The following TNS1 variants were observed in gnomAD, a reference collection of about 807,000 sequenced individuals.
TNS1 encodes tensin-1.
TNS1 carries 62 observed loss-of-function variants against 168.6 expected under a neutral mutation model. The observed-to-expected ratio is 0.37, with a 90% CI of 0.30 to 0.45. The LOEUF is 0.45. Ranked by LOEUF, TNS1 falls within the 20% of genes least tolerant of loss-of-function variation. The pLI, the probability that TNS1 is intolerant of heterozygous loss-of-function variation, is 1.00. For synonymous variants in TNS1, 934 were observed against 933.2 expected (o/e 1.00, Z -0.02); for missense variants, 2,240 against 2,339.4 (o/e 0.96, Z 0.88).
intron 3 of TNS1, among the ~76,000 whole-genome samples, chr2:217,972,645 AC>A (rs978206628): frequency 3.3e-5 from 5 of 152,206 alleles, no homozygotes; most frequent in Non-Finnish European, 7.3e-5. Context: ...AGAAAGAGCC[AC>A]CCAAGAGGCT....
rs144669301 is a variant in TNS1, at chr2:217,804,603, C to G, written c.5376G>C (p.Lys1792Asn). 5.6e-6 allele frequency: 9 copies of G among 1,613,894 alleles called. No individual in the cohort carries two copies. The highest frequency in any genetic ancestry group is 6.8e-6 in the Non-Finnish European group (8 of 1,179,922). The change falls in exon 33 of 33, where the codon AAG (lysine) becomes AAC (asparagine). Residue 1792 changes from lysine to asparagine, a missense_variant and splice_region_variant. By Grantham distance (94) the Lys-to-Asn change is moderately conservative. Transcript: ENST00000682258. ...WMKTEGGAPAKLFGFVARKQG... is the reference protein window; with the variant it reads ...WMKTEGGAPANLFGFVARKQG... Reference sequence around the variant, plus strand: ...GCTTCCGGGCCACGAAGCCGAAGAGCCTGCAGGCGGGAGAGGGCAACGGGC... The same window carrying G: ...GCTTCCGGGCCACGAAGCCGAAGAGGCTGCAGGCGGGAGAGGGCAACGGGC...
intron 3 of TNS1, among the ~76,000 whole-genome samples, chr2:217,952,786 C>T (rs567053965): frequency 3.9e-5 from 6 of 152,280 alleles, no homozygotes; most frequent in East Asian, 1.9e-4. Context: ...CTCATGGATG[C>T]GAACAGGATT....
chr2:217,944,479 GATA>G (rs200179036), intron 3 of TNS1, among the ~76,000 whole-genome samples: 2 of 152,176 alleles, frequency 1.3e-5, no homozygotes, highest in East Asian at 1.9e-4. Flanking sequence ...TGGTGATGAT[GATA>G]ATAATAATAA....
chr2:217,809,168 C>A, intron 30 of TNS1, among the ~76,000 whole-genome samples: 1 of 87,810 alleles, frequency 1.1e-5, no homozygotes. Flanking sequence ...TGAATAAATG[C>A]AGGGATGGAG....
At chr2:217,981,328 T>A (rs1958042618) in intron 2 of TNS1, among the ~76,000 whole-genome samples, 1 of 152,198 alleles carries the variant, frequency 6.6e-6, no homozygotes, top group Non-Finnish European at 1.5e-5. Context: ...GTGGGCTGAC[T>A]CCTGTGCTCT....
intron 3 of TNS1, among the ~76,000 whole-genome samples, chr2:217,967,228 G>A (rs112183725): frequency 0.015 from 2,302 of 152,294 alleles, 67 homozygotes; most frequent in African/African-American, 0.053. Context: ...GGCTGAGACA[G>A]GAGAATGGCA....
rs970412601 is a variant in TNS1, at chr2:217,841,260, G to A, written c.3008-5049C>T. ...GGGGCGGGAAGCTGCCACTGTGTCC[G>A]ATGCCCTGCAGCCTGGCGTTGTACG... On this transcript the variant is annotated intron_variant, in intron 19 of 32. Transcript: ENST00000682258. 8.0e-5 allele frequency: 79 copies of A among 985,110 alleles called. No homozygotes were observed. The East Asian group carries it at 9.1e-4, about 11-fold the overall frequency. 61.0% of individuals were successfully genotyped at this position (985,110 alleles called of 1,614,324 possible).
At position 217,951,023 on chromosome 2, in the gene TNS1, G is replaced by A. The variant is rs139612561; in HGVS notation, c.186+27742C>T. Among the ~76,000 whole-genome samples, 36 of 152,244 alleles carry A rather than the reference G, an allele frequency of 2.4e-4. No individual in the cohort carries two copies. In the East Asian group the frequency reaches 3.7e-3, roughly 16 times the overall value. On this transcript the variant is annotated intron_variant, in intron 3 of 32. Transcript: ENST00000682258. ...AGAGAGCTGGAAACTTCCCTCCTGAGGACTTCGGATCCACCCCTATAGAAA... is the reference window on the plus strand; with the variant it reads ...AGAGAGCTGGAAACTTCCCTCCTGAAGACTTCGGATCCACCCCTATAGAAA...
chr2:217,847,391 G>C (rs1011333655), intron 19 of TNS1, 119 bp downstream of exon 19: 1 of 998,492 alleles, frequency 1.0e-6, no homozygotes, highest in African/African-American at 1.6e-5. Flanking sequence ...AGGCTCCTGA[G>C]AGCCTCCTCC....
chr2:217,973,914 T>A (rs1424939071), intron 3 of TNS1, among the ~76,000 whole-genome samples: 1 of 152,172 alleles, frequency 6.6e-6, no homozygotes, highest in Non-Finnish European at 1.5e-5. Context: ...GATAAATACA[T>A]TGTGGTTTCT....
At chr2:218,012,554 G>GA (rs1224566875), upstream of TNS1, among the ~76,000 whole-genome samples, 3 of 152,160 alleles carry the variant, frequency 2.0e-5, no homozygotes, top group African/African-American at 7.2e-5. Context: ...AGAGAGAGGA[G>GA]AGAGTCCAAG....
chr2:217,907,890 T>C (rs552356038), intron 4 of TNS1, among the ~76,000 whole-genome samples: 10 of 152,330 alleles, frequency 6.6e-5, no homozygotes, highest in Middle Eastern at 3.4e-3. Flanking sequence ...TCTTTACTTA[T>C]GGAATGCTTT....
intron 3 of TNS1, among the ~76,000 whole-genome samples, chr2:217,961,178 G>T (rs148024456): frequency 6.6e-6 from 1 of 151,238 alleles, no homozygotes; most frequent in African/African-American, 2.4e-5. Context: ...AGTGGCTTTC[G>T]ATTCAAATCC....
rs191961315 is a variant in TNS1, at chr2:217,886,615, C to T, written c.898G>A (p.Gly300Ser). 3.5e-5 allele frequency: 56 copies of T among 1,597,952 alleles called. No individual in the cohort carries two copies. Among genetic ancestry groups the T allele is most frequent in the Admixed American group, 1.4e-4 (8 of 57,468 alleles). The stretch of plus-strand genomic sequence containing the variant: ...GGCTTGTTGTTCATTTTGATGGAGC[C>T]GGAGAGCAGGCCACTGAAGTAATGC... ...YVHYFSGLLSGSIKMNNKPLF... is the reference protein window; with the variant it reads ...YVHYFSGLLSSSIKMNNKPLF... Residue 300 changes from glycine to serine, a missense_variant, in exon 13 of 33, where the codon GGC becomes AGC. Gly to Ser is a moderately conservative substitution (Grantham distance 56, BLOSUM62 0). Around this residue, in one of 2 missense-constraint regions of TNS1, gnomAD observed 2,131 missense variants for 2,171.2 expected, o/e 0.98. Transcript: ENST00000682258.
intron 18 of TNS1, among the ~76,000 whole-genome samples, chr2:217,856,277 G>A (rs1186055643): frequency 1.3e-5 from 2 of 152,164 alleles, no homozygotes; most frequent in Non-Finnish European, 2.9e-5. Flanking sequence ...GAAGTGATGT[G>A]AGGAAGGCAT....
intron 3 of TNS1, among the ~76,000 whole-genome samples, chr2:217,976,857 G>A (rs774607807): frequency 6.6e-6 from 1 of 152,190 alleles, no homozygotes; most frequent in Non-Finnish European, 1.5e-5. Flanking sequence ...AGGAAGAATG[G>A]CAGGCAAGGA....
intron 7 of TNS1, among the ~76,000 whole-genome samples, chr2:217,898,636 CCAGAGCTGCTTCTTGG>C (rs1952579932): frequency 6.6e-6 from 1 of 152,236 alleles, no homozygotes; most frequent in Non-Finnish European, 1.5e-5. Flanking sequence ...CCACTGCCTG[CCAGAGCTGCTTCTTGG>C]CAGCAGCCTC....
At chr2:217,914,260 A>G (rs1490452355) in intron 4 of TNS1, among the ~76,000 whole-genome samples, 1 of 152,150 alleles carries the variant, frequency 6.6e-6, no homozygotes, top group African/African-American at 2.4e-5. Context: ...CACTGAACAG[A>G]GGGTTCCCTG....
At position 217,810,320 on chromosome 2, in the gene TNS1, C is replaced by G. The variant is rs752820721; in HGVS notation, c.5033-1G>C. ...CTATCTTTCGATTCATCTGTGGGGT[C>G]TAAGACAAAAATTCAGTAGGAATTA... On this transcript the variant is annotated splice_acceptor_variant, in intron 28 of 32. Coordinates refer to ENST00000682258, the MANE Select transcript of TNS1 (RefSeq NM_001387777.1). LOFTEE classifies it high-confidence loss of function. 6.2e-7 allele frequency: 1 copy of G among 1,614,088 alleles called. No individual in the cohort carries two copies. The highest frequency in any genetic ancestry group is 1.1e-5 in the South Asian group (1 of 91,064).
Sources: gnomAD v4.1 joint callset for allele counts (sites outside exome capture counted in the v4.1 genomes callset) on GRCh38, gnomAD v4.1.1 for gene constraint, gnomAD v4.1.1 regional missense constraint, MANE v1.5 for transcripts, NCBI Gene and HGNC (gene_info 2026-07-23, HGNC 2026-07-21) for gene names.